The following IGSF21 variants were observed in gnomAD, a reference collection of about 807,000 sequenced individuals.
The protein encoded by IGSF21 is immunoglobin superfamily member 21, also known as immunoglobulin superfamily member 21.
IGSF21 carries 28 observed loss-of-function variants against 46.8 expected under a neutral mutation model. That is an observed-to-expected ratio of 0.60 (90% confidence interval 0.44 to 0.82). The LOEUF is 0.82. Ranked by LOEUF, IGSF21 falls within the 40% of genes least tolerant of loss-of-function variation. The pLI is 0.00. For missense variants in IGSF21, 624 were observed against 665.5 expected (o/e 0.94, Z 0.69); for synonymous variants, 284 against 273.6 (o/e 1.04, Z -0.38).
intron 3 of IGSF21, among the ~76,000 whole-genome samples, chr1:18,327,759 A>G (rs1170655335): frequency 2.6e-5 from 4 of 152,208 alleles, no homozygotes; most frequent in African/African-American, 9.7e-5. Flanking sequence ...AAAAGGGCAC[A>G]AGGAGCTTTT....
intron 4 of IGSF21, among the ~76,000 whole-genome samples, chr1:18,349,905 C>A (rs550351): frequency 0.4 from 60,594 of 150,484 alleles, 12,592 homozygotes; most frequent in South Asian, 0.52. Flanking sequence ...AAAAAAAAAA[C>A]CACTAAATTA....
intron 1 of IGSF21, among the ~76,000 whole-genome samples, chr1:18,119,697 A>C (rs1189602089): frequency 6.6e-6 from 1 of 152,016 alleles, no homozygotes; most frequent in Non-Finnish European, 1.5e-5. Flanking sequence ...TCCAACATAA[A>C]GATAATAGGT....
intron 1 of IGSF21, among the ~76,000 whole-genome samples, chr1:18,139,599 G>T (rs949890768): frequency 6.6e-6 from 1 of 152,234 alleles, no homozygotes; most frequent in African/African-American, 2.4e-5. Context: ...CAGTGGTTAT[G>T]GTCAAAGGCT....
At chr1:18,349,489 G>A (rs1279784252) in intron 4 of IGSF21, among the ~76,000 whole-genome samples, 1 of 152,184 alleles carries the variant, frequency 6.6e-6, no homozygotes, top group Non-Finnish European at 1.5e-5. Context: ...TGAAGAGATA[G>A]GACAGGAGGC....
chr1:18,341,059 C>T (rs1466113804), intron 4 of IGSF21, among the ~76,000 whole-genome samples: 6 of 52,204 alleles, frequency 1.1e-4, no homozygotes, highest in African/African-American at 3.2e-4. Context: ...TCCTCTTCCT[C>T]TTCTTCTTCT....
intron 1 of IGSF21, among the ~76,000 whole-genome samples, chr1:18,176,551 T>C (rs2086799541): frequency 6.6e-6 from 1 of 152,196 alleles, no homozygotes; most frequent in African/African-American, 2.4e-5. Flanking sequence ...TCTTGGCACA[T>C]AGCAGATAAT....
intron 4 of IGSF21, among the ~76,000 whole-genome samples, chr1:18,357,697 A>G (rs1468055169): frequency 1.3e-5 from 2 of 152,080 alleles, no homozygotes; most frequent in African/African-American, 4.8e-5. Context: ...TGACTAGAAG[A>G]GTGAAGCATC....
chr1:18,181,293 G>A (rs551593129), intron 1 of IGSF21, among the ~76,000 whole-genome samples: 2 of 152,316 alleles, frequency 1.3e-5, no homozygotes, highest in East Asian at 3.9e-4. Flanking sequence ...ATAGACATAA[G>A]CCACTGCCCT....
chr1:18,308,167 C>G (rs1173295429), intron 3 of IGSF21, among the ~76,000 whole-genome samples: 1 of 152,098 alleles, frequency 6.6e-6, no homozygotes, highest in Non-Finnish European at 1.5e-5. Context: ...AAACGCTCAC[C>G]CCGGTTCCCA....
At chr1:18,306,787 T>A (rs1442095183) in intron 3 of IGSF21, among the ~76,000 whole-genome samples, 1 of 152,212 alleles carries the variant, frequency 6.6e-6, no homozygotes, top group Non-Finnish European at 1.5e-5. Context: ...AGTTTCCTTT[T>A]TGTCCAATGC....
chr1:18,299,339 G>T (rs746866607), intron 3 of IGSF21, among the ~76,000 whole-genome samples: 3 of 152,206 alleles, frequency 2.0e-5, no homozygotes, highest in Non-Finnish European at 4.4e-5. Flanking sequence ...GAGCAGAGGG[G>T]TTTGTTTCCC....
At chr1:18,202,566 G>A (rs1425683029) in intron 1 of IGSF21, among the ~76,000 whole-genome samples, 2 of 152,138 alleles carry the variant, frequency 1.3e-5, no homozygotes, top group Non-Finnish European at 2.9e-5. Flanking sequence ...TCTTCACAGG[G>A]TGGCAGGAGA....
At position 18,359,322 on chromosome 1, in the gene IGSF21, G is replaced by C. The variant is rs186606592; in HGVS notation, c.425-2793G>C. ...GAAAAAGAAAAGAAAGAAAGAGAGA[G>C]AGAGAAAGAGAAAGAAAAAGAAAGA... On this transcript the variant is annotated intron_variant, in intron 4 of 9. Coordinates refer to ENST00000251296, the MANE Select transcript of IGSF21 (RefSeq NM_032880.5). Among the ~76,000 whole-genome samples, 158 of 112,080 alleles carry C rather than the reference G, an allele frequency of 1.4e-3. 5 individuals carry two copies. The highest frequency in any genetic ancestry group is 4.8e-3 in the African/African-American group (148 of 30,836). The allele number at this position is 112,080 out of a possible 152,430, so 73.5% of individuals were successfully genotyped here.
intron 1 of IGSF21, among the ~76,000 whole-genome samples, chr1:18,189,426 C>T (rs1179351988): frequency 6.6e-6 from 1 of 152,120 alleles, no homozygotes. Context: ...TTCCACAGAC[C>T]AGGGCAGGGG....
intron 4 of IGSF21, among the ~76,000 whole-genome samples, chr1:18,360,694 T>C (rs558130375): frequency 5.3e-5 from 8 of 152,362 alleles, no homozygotes; most frequent in Admixed American, 2.0e-4. Flanking sequence ...TCTAAGATTC[T>C]GGTTCCTGTC....
chr1:18,322,625 C>G lies in IGSF21; in HGVS notation c.306-12267C>G, dbSNP rs948740827. 6.6e-6 allele frequency among the ~76,000 whole-genome samples: 1 copy of G among 152,164 alleles called. No homozygotes were observed. Among genetic ancestry groups the G allele is most frequent in the Admixed American group, 6.5e-5 (1 of 15,282 alleles). On this transcript the variant is annotated intron_variant, in intron 3 of 9. Coordinates refer to ENST00000251296, the MANE Select transcript of IGSF21 (RefSeq NM_032880.5). This position sits in a 1 kb window ranked among gnomAD's most constrained non-coding sequence, Gnocchi z 4.3. ...CCACACGGAGTCTTTTTCTGAAGAG[C>G]ACGTGCCCCACGCCCCCTGCCTGCC...
intron 1 of IGSF21, among the ~76,000 whole-genome samples, chr1:18,177,360 A>T: frequency 6.6e-6 from 1 of 150,796 alleles, no homozygotes; most frequent in African/African-American, 2.4e-5. Context: ...GCTGAGAAGG[A>T]CTGTGGTCGT....
At chr1:18,235,485 A>C (rs978424482) in intron 2 of IGSF21, among the ~76,000 whole-genome samples, 2 of 152,236 alleles carry the variant, frequency 1.3e-5, no homozygotes, top group Admixed American at 6.5e-5. Context: ...AAAGACATTT[A>C]AGCTGAGATC....
At chr1:18,130,166 C>T (rs2086305550) in intron 1 of IGSF21, among the ~76,000 whole-genome samples, 1 of 152,118 alleles carries the variant, frequency 6.6e-6, no homozygotes, top group Non-Finnish European at 1.5e-5. Context: ...TGGACACCAC[C>T]CCCCAACCCC....
Sources: allele counts gnomAD v4.1 joint callset (sites outside exome capture counted in the v4.1 genomes callset), GRCh38; gene constraint gnomAD v4.1.1; non-coding constraint Gnocchi (gnomAD v3.1); transcripts MANE v1.5; gene names NCBI Gene and HGNC (gene_info 2026-07-23, HGNC 2026-07-21).